Variants in ALK observed in about 807,000 individuals in gnomAD.
ALK encodes the protein ALK tyrosine kinase receptor.
Under a neutral mutation model 163.1 loss-of-function variants are expected in ALK, and 74 were observed. That is an observed-to-expected ratio of 0.45 (90% CI 0.38 to 0.55). The LOEUF (loss-of-function observed/expected upper bound fraction) is 0.55, where lower values mean the gene tolerates loss of function less well. Among genes scored for constraint, ALK ranks in the 20% least tolerant of loss-of-function variants. The pLI, the probability that ALK is intolerant of heterozygous loss-of-function variation, is 0.00. For synonymous variants in ALK, 960 were observed against 843.2 expected (o/e 1.14, Z -2.40); for missense variants, 2,063 against 2,105.3 (o/e 0.98, Z 0.39).
intron 3 of ALK, among the ~76,000 whole-genome samples, chr2:29,534,500 C>T (rs1378777909): frequency 6.6e-6 from 1 of 152,008 alleles, no homozygotes; most frequent in Non-Finnish European, 1.5e-5. Context: ...AGTCCCATGT[C>T]CAATAATAAT....
intron 3 of ALK, among the ~76,000 whole-genome samples, chr2:29,623,497 C>A (rs989878985): frequency 9.1e-5 from 5 of 54,890 alleles, no homozygotes; most frequent in African/African-American, 2.4e-4. Flanking sequence ...CACTTTAATA[C>A]TTTACATGAA....
At chr2:29,905,085 G>A (rs1558542018) in intron 1 of ALK, among the ~76,000 whole-genome samples, 1 of 152,224 alleles carries the variant, frequency 6.6e-6, no homozygotes, top group Non-Finnish European at 1.5e-5. Context: ...TTCTCCAGAT[G>A]CCACCACACC....
intron 3 of ALK, among the ~76,000 whole-genome samples, chr2:29,581,041 C>T (rs1344706261): frequency 1.3e-5 from 2 of 152,182 alleles, no homozygotes; most frequent in Non-Finnish European, 2.9e-5. Context: ...TCTGCCAAAG[C>T]CTGGCATCAA....
intron 5 of ALK, among the ~76,000 whole-genome samples, chr2:29,379,151 A>G (rs766124879): frequency 2.6e-5 from 4 of 152,062 alleles, no homozygotes; most frequent in Non-Finnish European, 4.4e-5. Flanking sequence ...CTGCTCAAGA[A>G]AGGTTTTTGT....
intron 4 of ALK, among the ~76,000 whole-genome samples, chr2:29,491,828 T>G (rs1263819992): frequency 6.6e-6 from 1 of 152,140 alleles, no homozygotes; most frequent in Non-Finnish European, 1.5e-5. Context: ...AAGCACAAAA[T>G]GAGAGAAGAG....
chr2:29,415,876 G>A (rs1486887443), intron 4 of ALK, among the ~76,000 whole-genome samples: 2 of 152,186 alleles, frequency 1.3e-5, no homozygotes, highest in Non-Finnish European at 2.9e-5. Context: ...GGACATCAGA[G>A]CTTTTGGTTT....
At chr2:29,593,615 C>T (rs371963737) in intron 3 of ALK, among the ~76,000 whole-genome samples, 5 of 152,192 alleles carry the variant, frequency 3.3e-5, no homozygotes, top group African/African-American at 1.2e-4. Flanking sequence ...GAATATTGGC[C>T]GTTAGCCAAG....
intron 5 of ALK, among the ~76,000 whole-genome samples, chr2:29,329,102 A>G (rs1558676181): frequency 6.6e-6 from 1 of 152,118 alleles, no homozygotes; most frequent in African/African-American, 2.4e-5. Context: ...CCCATCCTCT[A>G]TCAAAGGAGG....
chr2:29,412,805 T>C (rs2148323192), intron 4 of ALK, among the ~76,000 whole-genome samples: 1 of 152,368 alleles, frequency 6.6e-6, no homozygotes, highest in East Asian at 1.9e-4. Flanking sequence ...AACAAGCTTT[T>C]TGCTTTGGCC....
intron 8 of ALK, among the ~76,000 whole-genome samples, chr2:29,305,713 C>A (rs1199265128): frequency 2.6e-5 from 4 of 152,278 alleles, no homozygotes; most frequent in South Asian, 4.2e-4. Flanking sequence ...CAGCAGAGGT[C>A]CTCAACCTTT....
At chr2:29,201,004 G>C (rs1011352801) in intron 26 of ALK, among the ~76,000 whole-genome samples, 2 of 150,888 alleles carry the variant, frequency 1.3e-5, no homozygotes, top group South Asian at 4.2e-4. Context: ...TCTGATAAAA[G>C]ATTTTAAAAT....
At chr2:29,340,552 C>T (rs1399063492) in intron 5 of ALK, among the ~76,000 whole-genome samples, 1 of 152,176 alleles carries the variant, frequency 6.6e-6, no homozygotes, top group Admixed American at 6.5e-5. Context: ...GACAAGATAG[C>T]CACCGGGTGC....
At chr2:29,844,813 A>C (rs185753911) in intron 1 of ALK, among the ~76,000 whole-genome samples, 14 of 152,142 alleles carry the variant, frequency 9.2e-5, no homozygotes, top group Non-Finnish European at 1.6e-4. Context: ...TGCTAGCAGC[A>C]GAGATGAGCT....
chr2:29,767,706 T>C (rs1462846157), intron 1 of ALK, among the ~76,000 whole-genome samples: 2 of 152,164 alleles, frequency 1.3e-5, no homozygotes, highest in East Asian at 1.9e-4. Context: ...CAGCTGGACA[T>C]GTTCTTTATA....
intron 4 of ALK, among the ~76,000 whole-genome samples, chr2:29,417,535 T>C (rs1669910384): frequency 6.6e-6 from 1 of 152,278 alleles, no homozygotes; most frequent in African/African-American, 2.4e-5. Context: ...TCTGTTCTAA[T>C]CACTTAGTTC....
intron 3 of ALK, among the ~76,000 whole-genome samples, chr2:29,532,678 G>A (rs1294638552): frequency 6.6e-6 from 1 of 152,274 alleles, no homozygotes; most frequent in African/African-American, 2.4e-5. Context: ...TTTCCCTCTG[G>A]AGCAAGCCAA....
intron 4 of ALK, among the ~76,000 whole-genome samples, chr2:29,495,626 G>A (rs990243439): frequency 2.6e-5 from 4 of 151,992 alleles, no homozygotes; most frequent in African/African-American, 9.7e-5. Flanking sequence ...TTTCTTCCTG[G>A]GACCTTGAGT....
At chr2:29,494,242 A>G (rs1671971175) in intron 4 of ALK, among the ~76,000 whole-genome samples, 1 of 152,206 alleles carries the variant, frequency 6.6e-6, no homozygotes, top group Non-Finnish European at 1.5e-5. Context: ...TTGTGATAAT[A>G]ATAGTATCAA....
chr2:29,200,558 A>C (rs1376169857), intron 26 of ALK, among the ~76,000 whole-genome samples: 1 of 151,828 alleles, frequency 6.6e-6, no homozygotes, highest in Admixed American at 6.6e-5. Flanking sequence ...TCTGAAATTC[A>C]ATTTCACTGA....
Sources: gnomAD v4.1 joint callset for allele counts (sites outside exome capture counted in the v4.1 genomes callset) on GRCh38, gnomAD v4.1.1 for gene constraint, MANE v1.5 for transcripts, NCBI Gene and HGNC (gene_info 2026-07-23, HGNC 2026-07-21) for gene names.